The following TTC29 variants were observed in gnomAD, a reference collection of about 807,000 sequenced individuals.
TTC29 encodes the protein tetratricopeptide repeat domain 29, also known as tetratricopeptide repeat protein 29.
A neutral mutation model predicts 58.1 loss-of-function variants in TTC29; 49 were observed. The ratio of observed to expected loss-of-function variants is 0.84; its 90% CI spans 0.67 to 1.07. TTC29 has a LOEUF of 1.07. Ranked by LOEUF, TTC29 falls within the 50% of genes least tolerant of loss-of-function variation. The pLI is 0.00. For missense variants in TTC29, 582 were observed against 555.6 expected (o/e 1.05, Z -0.48); for synonymous variants, 209 against 196.8 (o/e 1.06, Z -0.52).
intron 11 of TTC29, among the ~76,000 whole-genome samples, chr4:146,786,223 A>G (rs564534320): frequency 1.1e-4 from 16 of 152,220 alleles, no homozygotes; most frequent in African/African-American, 3.4e-4. Flanking sequence ...CACCATCTTT[A>G]GAGGTCGCCT....
chr4:146,778,976 C>CAAAAAAAAAAAAAAAAA lies in TTC29; in HGVS notation c.1330+24464_1330+24480dup, dbSNP rs369374851. ...AACTGCACTTGTACTCCTAAATAAG[C>CAAAAAAAAAAAAAAAAA]AAAAAAAAAAAAAAAAAAAAAAAAA... is the stretch of plus-strand genomic sequence containing the variant. On this transcript the variant is annotated intron_variant, in intron 11 of 12. Coordinates refer to ENST00000325106, the MANE Select transcript of TTC29 (RefSeq NM_031956.4). Among the ~76,000 whole-genome samples, 168 of 28,544 alleles carry CAAAAAAAAAAAAAAAAA rather than the reference C, an allele frequency of 5.9e-3. 4 individuals carry two copies. The highest frequency in any genetic ancestry group is 0.01 in the East Asian group (8 of 786). 18.7% of individuals were successfully genotyped at this position (28,544 alleles called of 152,430 possible).
chr4:146,753,706 A>T (rs938133628), intron 11 of TTC29, among the ~76,000 whole-genome samples: 2 of 152,218 alleles, frequency 1.3e-5, no homozygotes, highest in Admixed American at 6.5e-5. Flanking sequence ...CATATACACC[A>T]TGGAATACTA....
At chr4:146,818,177 C>T (rs1022146958) in intron 10 of TTC29, among the ~76,000 whole-genome samples, 5 of 152,144 alleles carry the variant, frequency 3.3e-5, no homozygotes, top group Non-Finnish European at 7.4e-5. Flanking sequence ...TTTTCACAAT[C>T]TACTCATCTG....
intron 5 of TTC29, among the ~76,000 whole-genome samples, chr4:146,905,481 C>T (rs950040302): frequency 2.0e-5 from 3 of 150,908 alleles, no homozygotes; most frequent in African/African-American, 7.3e-5. Context: ...TATTTAAAGA[C>T]TACTTGTCAG....
In TTC29 at chr4:146,909,297, G is replaced by T. The variant is rs758494761; in HGVS notation, c.177-48C>A. On this transcript the variant is annotated intron_variant, in intron 4 of 12. Coordinates refer to ENST00000325106, the MANE Select transcript of TTC29 (RefSeq NM_031956.4). ...TCTCAGGTTTATGTTAATCCTTTCA[G>T]TCTGCACGGTATTTTCATTCTCTAA... 11 of 1,371,230 alleles carry T rather than the reference G, an allele frequency of 8.0e-6. No homozygotes were observed. In the East Asian group the frequency reaches 2.4e-4, roughly 30 times the overall value. 84.9% of individuals were successfully genotyped at this position (1,371,230 alleles called of 1,614,324 possible).
At chr4:146,780,410 A>G (rs923195366) in intron 11 of TTC29, among the ~76,000 whole-genome samples, 9 of 151,432 alleles carry the variant, frequency 5.9e-5, no homozygotes, top group Non-Finnish European at 1.3e-4. Context: ...AAATGCCTAA[A>G]TTATATCAAA....
chr4:146,823,755 TTTG>T, intron 9 of TTC29, among the ~76,000 whole-genome samples: 1 of 152,312 alleles, frequency 6.6e-6, no homozygotes, highest in African/African-American at 2.4e-5. Flanking sequence ...TCTCCATTTG[TTTG>T]TTTTCTCTCT....
intron 10 of TTC29, among the ~76,000 whole-genome samples, chr4:146,813,909 G>A (rs374913454): frequency 3.4e-4 from 51 of 152,200 alleles, no homozygotes; most frequent in East Asian, 2.3e-3. Flanking sequence ...ACGTGAACCC[G>A]GGAGGCAGAG....
intron 11 of TTC29, among the ~76,000 whole-genome samples, chr4:146,765,562 C>T (rs1747245918): frequency 6.6e-6 from 1 of 152,100 alleles, no homozygotes; most frequent in Admixed American, 6.6e-5. Context: ...ATCTTACCTA[C>T]AAAAATGAGA....
intron 11 of TTC29, among the ~76,000 whole-genome samples, chr4:146,722,450 G>T (rs1289979650): frequency 2.6e-5 from 4 of 152,132 alleles, no homozygotes; most frequent in Non-Finnish European, 4.4e-5. Context: ...AAACAAAACA[G>T]CATGGTACTG....
At chr4:146,832,634 A>T (rs975966187) in intron 9 of TTC29, among the ~76,000 whole-genome samples, 5 of 142,474 alleles carry the variant, frequency 3.5e-5, no homozygotes, top group African/African-American at 1.3e-4. Flanking sequence ...TCCATGGCCA[A>T]CTAATTTTGT....
In TTC29 at chr4:146,867,502, A is replaced by T; in HGVS notation, c.881T>A (p.Leu294Ter). ...GTGATTAAAAGTTTAGCTTACTGTT[A>T]ATGCTGTTTCATATTCCTCAGCAGC... ...HLAAEEYETA[L>*]TVLDTYCKIS... The change falls in exon 8 of 13, where the codon TTA becomes TAA. Residue 294 changes from leucine to a stop codon, truncating the protein, a stop_gained. Transcript: ENST00000325106. LOFTEE classifies it high-confidence loss of function. The T allele has an allele frequency of 6.7e-7, 1 of 1,488,992 alleles. No individual in the cohort carries two copies. Among genetic ancestry groups the T allele is most frequent in the South Asian group, 1.4e-5 (1 of 71,712 alleles). 92.2% of individuals were successfully genotyped at this position (1,488,992 alleles called of 1,614,324 possible).
At chr4:146,905,337 T>C in intron 5 of TTC29, among the ~76,000 whole-genome samples, 1 of 149,668 alleles carries the variant, frequency 6.7e-6, no homozygotes, top group Non-Finnish European at 1.5e-5. Flanking sequence ...TATATATATA[T>C]ATAATTAAAA....
At chr4:146,728,385 T>C (rs1219241362) in intron 11 of TTC29, among the ~76,000 whole-genome samples, 1 of 152,060 alleles carries the variant, frequency 6.6e-6, no homozygotes, top group Non-Finnish European at 1.5e-5. Flanking sequence ...TGCAATCTTT[T>C]GTAATACTGA....
intron 11 of TTC29, among the ~76,000 whole-genome samples, chr4:146,745,589 C>T (rs1364812119): frequency 1.3e-5 from 2 of 152,176 alleles, no homozygotes; most frequent in Non-Finnish European, 2.9e-5. Context: ...GCTATATAGC[C>T]AAGCTTAATA....
chr4:146,894,719 C>T (rs1732645670), intron 6 of TTC29, among the ~76,000 whole-genome samples: 1 of 151,262 alleles, frequency 6.6e-6, no homozygotes, highest in Non-Finnish European at 1.5e-5. Context: ...AAATAAATTA[C>T]CCAGTCTCAG....
intron 9 of TTC29, chr4:146,831,786 C>A: frequency 2.3e-6 from 1 of 437,202 alleles, no homozygotes; most frequent in Non-Finnish European, 4.6e-6. Flanking sequence ...TGAAGACAGA[C>A]TCATGTCTCT....
intron 4 of TTC29, among the ~76,000 whole-genome samples, chr4:146,921,151 A>C (rs1274407685): frequency 6.6e-6 from 1 of 151,490 alleles, no homozygotes; most frequent in Non-Finnish European, 1.5e-5. Context: ...GTTTTCACAG[A>C]CTATATGTAT....
intron 7 of TTC29, among the ~76,000 whole-genome samples, chr4:146,872,388 A>G (rs1459057107): frequency 6.6e-6 from 1 of 152,096 alleles, no homozygotes; most frequent in Non-Finnish European, 1.5e-5. Flanking sequence ...AAACTAGACG[A>G]ACTGAACTTT....
Sources: gnomAD v4.1 joint callset for allele counts (sites outside exome capture counted in the v4.1 genomes callset) on GRCh38, gnomAD v4.1.1 for gene constraint, MANE v1.5 for transcripts, NCBI Gene and HGNC (gene_info 2026-07-23, HGNC 2026-07-21) for gene names.